Variants in VIPR1 observed in about 807,000 individuals in gnomAD.
VIPR1 encodes the protein vasoactive intestinal peptide receptor 1, also known as vasoactive intestinal polypeptide receptor 1.
In VIPR1, 59 loss-of-function variants were observed where a neutral mutation model predicts 58.8. The observed-to-expected ratio is 1.00, with a 90% CI of 0.81 to 1.25. The LOEUF (loss-of-function observed/expected upper bound fraction) is 1.25. Among genes scored for constraint, VIPR1 ranks in the 50% most tolerant of loss-of-function variants. The pLI, the probability that VIPR1 is intolerant of heterozygous loss-of-function variation, is 0.00. For synonymous variants in VIPR1, 251 were observed against 242.1 expected, an observed-to-expected ratio of 1.04 and a Z score of -0.34; for missense variants, 626 against 602.7, an observed-to-expected ratio of 1.04 and a Z score of -0.40.
At chr3:42,535,214 A>G in intron 11 of VIPR1, 110 bp downstream of exon 11, 1 of 1,598,914 alleles carries the variant, frequency 6.3e-7, no homozygotes, top group Non-Finnish European at 8.5e-7. Context: ...AATAAGTATT[A>G]GATAAGCACC....
rs1195513298 is a variant in VIPR1 at position 42,537,419 on chromosome 3, C to T, written c.*1138C>T. 2 of 152,230 alleles carry T rather than the reference C, an allele frequency of 1.3e-5. No homozygotes were observed. Among genetic ancestry groups the T allele is most frequent in the Admixed American group, 1.3e-4 (2 of 15,274 alleles). The allele number at this position is 152,230 out of a possible 1,614,324, so 9.4% of individuals were successfully genotyped here. A position where few individuals can be genotyped will look rare whatever the true frequency, so the allele number is the denominator to read the frequency against. On this transcript the variant is annotated 3_prime_UTR_variant, in exon 13 of 13. Transcript: ENST00000325123. ...GGAGTGTGGCTGAGGAGGCCTCCATCTCATGTATCATCTGGATAGGAGCCT... is the reference window on the plus strand; with the variant it reads ...GGAGTGTGGCTGAGGAGGCCTCCATTTCATGTATCATCTGGATAGGAGCCT...
chr3:42,519,900 A>T (rs1056657440), intron 3 of VIPR1, among the ~76,000 whole-genome samples: 2 of 152,212 alleles, frequency 1.3e-5, no homozygotes, highest in Non-Finnish European at 2.9e-5. Flanking sequence ...AACACAGTGG[A>T]GAGAGGATAA....
Position 42,537,372 on chromosome 3 carries a change from C to T in VIPR1, c.*1091C>T, listed in dbSNP as rs1181493567. 6.6e-6 allele frequency: 1 copy of T among 152,272 alleles called. No homozygotes were observed. Among genetic ancestry groups the T allele is most frequent in the East Asian group, 1.9e-4 (1 of 5,182 alleles). The allele number at this position is 152,272 out of a possible 1,614,324, so 9.4% of individuals were successfully genotyped here. Reference sequence around the variant, plus strand: ...TATTAATGCCATTATCCCTGAATCCCCCTTGCCACCCCACCCTCCCTGGAG... The same window carrying T: ...TATTAATGCCATTATCCCTGAATCCTCCTTGCCACCCCACCCTCCCTGGAG... On this transcript the variant is annotated 3_prime_UTR_variant, in exon 13 of 13. Coordinates refer to ENST00000325123, the MANE Select transcript of VIPR1 (RefSeq NM_004624.4).
chr3:42,514,161 G>T (rs900780093), intron 2 of VIPR1, among the ~76,000 whole-genome samples: 1 of 152,052 alleles, frequency 6.6e-6, no homozygotes, highest in Non-Finnish European at 1.5e-5. Flanking sequence ...CTCCATGGCG[G>T]CCAGCCCACC....
At chr3:42,532,761 A>T (rs907553853) in intron 10 of VIPR1, 3 of 230,556 alleles carry the variant, frequency 1.3e-5, no homozygotes, top group Middle Eastern at 1.6e-3. Flanking sequence ...TTCGGGACTC[A>T]GTATTCCTCA....
chr3:42,504,549 G>A (rs965808287), intron 1 of VIPR1, among the ~76,000 whole-genome samples: 3 of 152,034 alleles, frequency 2.0e-5, no homozygotes, highest in Admixed American at 1.3e-4. Flanking sequence ...GTCAGGGGCT[G>A]GGGTCTCTTA....
At chr3:42,491,490 A>G (rs1323524317) in intron 1 of VIPR1, among the ~76,000 whole-genome samples, 1 of 152,218 alleles carries the variant, frequency 6.6e-6, no homozygotes, top group East Asian at 1.9e-4. Flanking sequence ...AAATAAATTA[A>G]GTGATGGGTG....
In VIPR1 at chr3:42,526,983, C is replaced by T. The variant is rs140291697; in HGVS notation, c.400-410C>T. ...CATACCTCTCCTCCCTATACAGAGA[C>T]AGGGCCTCGAGGGGTGTCTGAAGGG... is the stretch of plus-strand genomic sequence containing the variant. On this transcript the variant is annotated intron_variant, in intron 4 of 12. Transcript: ENST00000325123. Among the ~76,000 whole-genome samples, 1,265 of 152,254 alleles carry T rather than the reference C, an allele frequency of 8.3e-3. 20 individuals are homozygous for T. Among genetic ancestry groups the T allele is most frequent in the African/African-American group, 0.027 (1,109 of 41,544 alleles).
At chr3:42,511,500 GA>G (rs1301125048) in intron 1 of VIPR1, among the ~76,000 whole-genome samples, 1 of 152,196 alleles carries the variant, frequency 6.6e-6, no homozygotes, top group Non-Finnish European at 1.5e-5. Context: ...GGTAGGGAAG[GA>G]GGTTGTTTCC....
rs200704872 is a variant in VIPR1, at chr3:42,532,273, G to C, written c.950G>C (p.Arg317Pro). 1 of 1,614,068 alleles carries C rather than the reference G, an allele frequency of 6.2e-7. No homozygotes were observed. The highest frequency in any genetic ancestry group is 8.5e-7 in the Non-Finnish European group (1 of 1,180,028). ...VNFILFICIIRILLQKLRPPD... is the reference protein window; with the variant it reads ...VNFILFICIIPILLQKLRPPD... ...TTCATCCTGTTTATTTGCATCATCC[G>C]AATCCTGCTTCAGAAACTGCGGCCC... Residue 317 changes from arginine to proline, a missense_variant, in exon 10 of 13, where the codon CGA becomes CCA. Coordinates refer to ENST00000325123, the MANE Select transcript of VIPR1 (RefSeq NM_004624.4).
At chr3:42,502,367 G>A (rs1175762785), upstream of VIPR1, 1 of 186,120 alleles carries the variant, frequency 5.4e-6, no homozygotes, top group Non-Finnish European at 1.1e-5. Context: ...AGCATGGAAG[G>A]ATGGAATGTG....
intron 12 of VIPR1, among the ~76,000 whole-genome samples, chr3:42,535,612 A>AAAAC (rs1391870309): frequency 2.0e-5 from 3 of 152,210 alleles, no homozygotes; most frequent in Non-Finnish European, 2.9e-5. Context: ...ATTATTTTAA[A>AAAAC]AAACAAACAA....
intron 12 of VIPR1, among the ~76,000 whole-genome samples, chr3:42,535,854 G>C (rs1192143183): frequency 1.3e-5 from 2 of 152,124 alleles, no homozygotes; most frequent in Non-Finnish European, 2.9e-5. Flanking sequence ...CCTCTCCCTG[G>C]ACTGTATTCT....
At position 42,494,302 on chromosome 3, in the gene VIPR1, A is replaced by G. The variant is rs532798161; in HGVS notation, c.-245+4624A>G. Reference sequence around the variant, plus strand: ...GAAATGCAGTTTTTTTTTACTTACCATATATTTGCTTTGTTTTAATATCAG... The same window carrying G: ...GAAATGCAGTTTTTTTTTACTTACCGTATATTTGCTTTGTTTTAATATCAG... On this transcript the variant is annotated intron_variant, in intron 1 of 13. Transcript: ENST00000433647. 7.9e-5 allele frequency among the ~76,000 whole-genome samples: 12 copies of G among 152,268 alleles called. No individual in the cohort carries two copies. In the South Asian group the frequency reaches 2.1e-3, roughly 26 times the overall value.
At chr3:42,525,043 G>T (rs988714704) in intron 3 of VIPR1, among the ~76,000 whole-genome samples, 2 of 152,086 alleles carry the variant, frequency 1.3e-5, no homozygotes, top group Non-Finnish European at 2.9e-5. Context: ...TGACTATGGC[G>T]GTGGTGGTGG....
chr3:42,535,165 G>A, intron 11 of VIPR1, 61 bp downstream of exon 11: 3 of 1,611,428 alleles, frequency 1.9e-6, no homozygotes, highest in Non-Finnish European at 2.5e-6. Flanking sequence ...TCAACCTGGA[G>A]TCTTGGCCCT....
chr3:42,535,662 A>T (rs970440466), intron 12 of VIPR1, among the ~76,000 whole-genome samples: 1 of 152,196 alleles, frequency 6.6e-6, no homozygotes, highest in South Asian at 2.1e-4. Context: ...CCTGTGCACA[A>T]CAGAGTTTGA....
intron 1 of VIPR1, among the ~76,000 whole-genome samples, chr3:42,497,034 T>C (rs1189515891): frequency 1.3e-5 from 2 of 152,198 alleles, no homozygotes; most frequent in African/African-American, 4.8e-5. Context: ...TTAAACTCCA[T>C]GTTGTGTTTT....
At chr3:42,534,898 C>T (rs1701759382) in intron 10 of VIPR1, 77 bp from the exon 11 acceptor site, 4 of 1,558,114 alleles carry the variant, frequency 2.6e-6, no homozygotes, top group Non-Finnish European at 3.5e-6. Context: ...GTGCCTCCAG[C>T]TGCCCCCATG....
Sources: allele counts gnomAD v4.1 joint callset (sites outside exome capture counted in the v4.1 genomes callset), GRCh38; gene constraint gnomAD v4.1.1; transcripts MANE v1.5; gene names NCBI Gene and HGNC (gene_info 2026-07-23, HGNC 2026-07-21).